Variants in DNAH1 observed in about 807,000 individuals in gnomAD.
DNAH1 encodes dynein axonemal heavy chain 1, also known as axonemal beta dynein heavy chain 1.
Under a neutral mutation model 484.3 loss-of-function variants are expected in DNAH1, and 327 were observed. The observed-to-expected ratio is 0.68, with a 90% CI of 0.62 to 0.74. The LOEUF (loss-of-function observed/expected upper bound fraction) is 0.74. DNAH1 is among the 30% of genes least tolerant of loss of function. The probability of loss-of-function intolerance (pLI) is 0.00; values close to 1 mark genes in which losing one functional copy is unlikely to be tolerated. For synonymous variants in DNAH1, 2,192 were observed against 2,191.9 expected (o/e 1.00, Z 0.00); for missense variants, 5,052 against 5,546.8 (o/e 0.91, Z 2.83).
chr3:52,357,733 C>T lies in DNAH1; in HGVS notation c.3978C>T (p.Pro1326=), dbSNP rs1207100996. The change falls in exon 23 of 78, where the codon CCC becomes CCT. Residue 1326 remains proline, a splice_region_variant and synonymous_variant. Coordinates refer to ENST00000420323, the MANE Select transcript of DNAH1 (RefSeq NM_015512.5). ...TGGAGACCAAGAGGAGCGCCTTCCC[C>T]AGGTGGGCGCCACCTGGCCATGCCC... The part of the protein sequence containing the change: ...EYLETKRSAF[P]RFYFLSDDEL... 1 of 1,576,290 alleles carries T rather than the reference C, an allele frequency of 6.3e-7. No homozygotes were observed. The highest frequency in any genetic ancestry group is 1.2e-5 in the South Asian group (1 of 86,506).
At chr3:52,392,364 T>C (rs971061282) in intron 63 of DNAH1, 100 bp from the exon 64 acceptor site, 2 of 1,097,056 alleles carry the variant, frequency 1.8e-6, no homozygotes, top group Admixed American at 4.3e-5. Context: ...TGCTGGGCTC[T>C]TGGAGCCCCA....
At position 52,331,173 on chromosome 3, in the gene DNAH1, G is replaced by A. The variant is rs1476328053; in HGVS notation, c.897G>A (p.Lys299=). 6.2e-7 allele frequency: 1 copy of A among 1,601,414 alleles called. No individual in the cohort carries two copies. Among genetic ancestry groups the A allele is most frequent in the South Asian group, 1.1e-5 (1 of 88,638 alleles). Residue 299 remains lysine (K), a synonymous_variant, in exon 7 of 78, where the codon AAG becomes AAA. Coordinates refer to ENST00000420323, the MANE Select transcript of DNAH1 (RefSeq NM_015512.5). ...GHEDPKSQKL[K]YKWCEVGVLD... ...AGGACCCCAAGAGTCAGAAGCTGAA[G>A]TACAAATGGTGCGAGGTCGGCGTCC... is the stretch of plus-strand genomic sequence containing the variant.
Position 52,388,409 on chromosome 3 carries a change from G to T in DNAH1, c.9172-9G>T. On this transcript the variant is annotated splice_polypyrimidine_tract_variant and intron_variant, in intron 57 of 77. Transcript: ENST00000420323. ...TTGGCGAGCTAATCCTGCGCCCTCCGCCCCACAGCAAGCCCTGCTGGAGGC... is the reference window on the plus strand; with the variant it reads ...TTGGCGAGCTAATCCTGCGCCCTCCTCCCCACAGCAAGCCCTGCTGGAGGC... The T allele has an allele frequency of 1.2e-6, 2 of 1,608,388 alleles. No homozygotes were observed. The highest frequency in any genetic ancestry group is 1.7e-6 in the Non-Finnish European group (2 of 1,177,220).
At chr3:52,391,083 C>T in intron 61 of DNAH1, 29 bp downstream of exon 61, 1 of 1,585,336 alleles carries the variant, frequency 6.3e-7, no homozygotes, top group Non-Finnish European at 8.6e-7. Flanking sequence ...CACCACCACC[C>T]CACCCCAGCC....
Position 52,358,717 on chromosome 3 carries a change from G to T in DNAH1, c.4246G>T (p.Ala1416Ser), listed in dbSNP as rs777354160. 6.2e-7 allele frequency: 1 copy of T among 1,612,598 alleles called. No individual in the cohort carries two copies. Among genetic ancestry groups the T allele is most frequent in the South Asian group, 1.1e-5 (1 of 91,052 alleles). Residue 1416 changes from alanine to serine, a missense_variant, in exon 25 of 78, where the codon GCC becomes TCC. This residue lies in a region of DNAH1 where 2,929 missense variants were observed against 3,409.4 expected (regional missense o/e 0.86). Transcript: ENST00000420323. This position sits in a 1 kb window ranked among gnomAD's most constrained non-coding sequence, Gnocchi z 4.2. ...CAGTGTGCACGACATCATTGAGAAG[G>T]CCATCAGGGCCTACCCCACGGTGAG... ...KASVHDIIEK[A>S]IRAYPTMPRT...
rs1247093361 is a variant in DNAH1 at position 52,378,690 on chromosome 3, C to G, written c.7287C>G (p.Pro2429=). Residue 2429 remains proline (P), a synonymous_variant, in exon 47 of 78, where the codon CCC becomes CCG. Transcript: ENST00000420323. ...VYATITSQLL[P]TPAKSHYTFN... Reference sequence around the variant, plus strand: ...CAACCATCACCTCCCAGCTGCTGCCCACTCCAGCCAAGTCCCACTACACCT... The same window carrying G: ...CAACCATCACCTCCCAGCTGCTGCCGACTCCAGCCAAGTCCCACTACACCT... The G allele has an allele frequency of 4.3e-6, 7 of 1,613,832 alleles. No homozygotes were observed. Among genetic ancestry groups the G allele is most frequent in the South Asian group, 1.1e-5 (1 of 91,078 alleles).
At position 52,399,688 on chromosome 3, in the gene DNAH1, G is replaced by A. The variant is rs1704818585; in HGVS notation, c.12585G>A (p.Met4195Ile). The change falls in exon 77 of 78, where the codon ATG (methionine) becomes ATA (isoleucine). Residue 4195 changes from methionine (M) to isoleucine (I), a missense_variant. Transcript: ENST00000420323. The part of the protein sequence containing the change: ...ESQPKELYTE[M>I]AVIWLLPTPN... ...AGCCCAAGGAGCTGTACACAGAGAT[G>A]GCCGTTATCTGGCTCTTGCCAACAC... 1.2e-6 allele frequency: 2 copies of A among 1,614,034 alleles called. No individual in the cohort carries two copies. Among genetic ancestry groups the A allele is most frequent in the East Asian group, 4.5e-5 (2 of 44,886 alleles).
In DNAH1 at chr3:52,396,938, T is replaced by C. The variant is rs1704660810; in HGVS notation, c.11681T>C (p.Ile3894Thr). The C allele has an allele frequency of 1.2e-6, 2 of 1,610,416 alleles. No homozygotes were observed. The highest frequency in any genetic ancestry group is 1.7e-6 in the Non-Finnish European group (2 of 1,178,338). ...ACTGATGACTGGGACCGGCGCTGCATCATGAACATCTTGGAGGACTTCTAC... is the reference window on the plus strand; with the variant it reads ...ACTGATGACTGGGACCGGCGCTGCACCATGAACATCTTGGAGGACTTCTAC... ...RVTDDWDRRCIMNILEDFYNP... is the reference protein window; with the variant it reads ...RVTDDWDRRCTMNILEDFYNP... The change falls in exon 73 of 78, where the codon ATC (isoleucine) becomes ACC (threonine). Residue 3894 changes from isoleucine (I) to threonine (T), a missense_variant. Around this residue, in one of 4 missense-constraint regions of DNAH1, gnomAD observed 853 missense variants for 899.0 expected, o/e 0.95. Transcript: ENST00000420323.
At chr3:52,389,653 C>T (rs1405310879) in intron 60 of DNAH1, 67 bp downstream of exon 60, 1 of 1,274,626 alleles carries the variant, frequency 7.8e-7, no homozygotes, top group Non-Finnish European at 1.0e-6. Flanking sequence ...GGCCAGGAGC[C>T]TTCTGCCTCC....
chr3:52,370,857 G>C (rs976912763), intron 41 of DNAH1, 32 bp downstream of exon 41: 2 of 1,560,694 alleles, frequency 1.3e-6, no homozygotes, highest in African/African-American at 2.7e-5. Context: ...AGACTGCACA[G>C]GGAGGGACCA....
intron 8 of DNAH1, among the ~76,000 whole-genome samples, chr3:52,339,855 G>C (rs1701870850): frequency 6.6e-6 from 1 of 151,820 alleles, no homozygotes; most frequent in Non-Finnish European, 1.5e-5. Flanking sequence ...GGAGAGGGAT[G>C]TGGGTCCTCC....
Position 52,363,096 on chromosome 3 carries a change from G to C in DNAH1, c.5196G>C (p.Lys1732Asn), listed in dbSNP as rs1322530772. The change falls in exon 32 of 78, where the codon AAG becomes AAC. Residue 1732 changes from lysine to asparagine, a missense_variant. Physicochemically the swap from Lys to Asn is moderately conservative, Grantham distance 94. Transcript: ENST00000420323. ...TTAATGAGGCCAGTGTGCTGGCTAA[G>C]AAGATCACAACCACCTTCAAGCTGT... ...FGFNEASVLA[K>N]KITTTFKLSS... The C allele has an allele frequency of 6.2e-7, 1 of 1,614,000 alleles. No individual in the cohort carries two copies. Among genetic ancestry groups the C allele is most frequent in the Admixed American group, 1.7e-5 (1 of 60,026 alleles).
In DNAH1 at chr3:52,355,515, G is replaced by T. The variant is rs971769317; in HGVS notation, c.3693+460G>T. Among the ~76,000 whole-genome samples, 24 of 152,250 alleles carry T rather than the reference G, an allele frequency of 1.6e-4. No individual in the cohort carries two copies. Among genetic ancestry groups the T allele is most frequent in the Admixed American group, 1.1e-3 (17 of 15,278 alleles). On this transcript the variant is annotated intron_variant, in intron 21 of 77. Transcript: ENST00000420323. The surrounding 1 kb of genome is among the most constrained non-coding windows in gnomAD (Gnocchi z 4.5). Reference sequence around the variant, plus strand: ...CTTGGTTGAGGGGACTGGGCCACCAGGGACTGCACTTGTCTTGGGCTCTCA... The same window carrying T: ...CTTGGTTGAGGGGACTGGGCCACCATGGACTGCACTTGTCTTGGGCTCTCA...
At chr3:52,390,654 T>C (rs1291777265) in intron 60 of DNAH1, among the ~76,000 whole-genome samples, 1 of 152,224 alleles carries the variant, frequency 6.6e-6, no homozygotes, top group African/African-American at 2.4e-5. Flanking sequence ...AGGGCCTTTC[T>C]GTCTGTGGGT....
rs1278373061 is a variant in DNAH1, at chr3:52,355,282, G to A, written c.3693+227G>A. Among the ~76,000 whole-genome samples the A allele has an allele frequency of 2.6e-5, 4 of 152,214 alleles. No homozygotes were observed. Among genetic ancestry groups the A allele is most frequent in the Non-Finnish European group, 5.9e-5 (4 of 68,032 alleles). On this transcript the variant is annotated intron_variant, in intron 21 of 77. Transcript: ENST00000420323. This position sits in a 1 kb window ranked among gnomAD's most constrained non-coding sequence, Gnocchi z 4.5. ...CAGCTACTGGATGAGGCAGATAAGG[G>A]TGCGTAGGGGCAGCATTTGGGTCCC...
chr3:52,395,167 G>A lies in DNAH1; in HGVS notation c.10968+108G>A. Reference sequence around the variant, plus strand: ...ACTACTTGGCCAGGCCAGGACCCCTGCTTGCTCCCTAAAGGCTCTGAGGTT... The same window carrying A: ...ACTACTTGGCCAGGCCAGGACCCCTACTTGCTCCCTAAAGGCTCTGAGGTT... On this transcript the variant is annotated intron_variant, in intron 68 of 77. Coordinates refer to ENST00000420323, the MANE Select transcript of DNAH1 (RefSeq NM_015512.5). The surrounding 1 kb of genome is among the most constrained non-coding windows in gnomAD (Gnocchi z 4.4). 6.7e-7 allele frequency: 1 copy of A among 1,500,776 alleles called. No individual in the cohort carries two copies. Among genetic ancestry groups the A allele is most frequent in the Admixed American group, 2.1e-5 (1 of 47,686 alleles). The allele number at this position is 1,500,776 out of a possible 1,614,324, so 93.0% of individuals were successfully genotyped here.
chr3:52,393,445 T>C lies in DNAH1; in HGVS notation c.10586T>C (p.Leu3529Pro), dbSNP rs1351300112. 6.2e-7 allele frequency: 1 copy of C among 1,614,050 alleles called. No individual in the cohort carries two copies. Among genetic ancestry groups the C allele is most frequent in the South Asian group, 1.1e-5 (1 of 91,084 alleles). Residue 3529 changes from leucine (L) to proline (P), a missense_variant, in exon 66 of 78, where the codon CTG (leucine) becomes CCG (proline). Coordinates refer to ENST00000420323, the MANE Select transcript of DNAH1 (RefSeq NM_015512.5). ...CACAAGCTGATGTTTGCCTTCCTGC[T>C]GTGTGTTCGCATCATGATGAACGAG... ...EKHKLMFAFL[L>P]CVRIMMNEGK...
At chr3:52,391,834 G>C (rs903038506) in intron 63 of DNAH1, among the ~76,000 whole-genome samples, 1 of 152,048 alleles carries the variant, frequency 6.6e-6, no homozygotes, top group Non-Finnish European at 1.5e-5. Context: ...CAGATCCCTG[G>C]TCAGGGTCCC....
At chr3:52,383,708 C>T (rs1017039265) in intron 51 of DNAH1, 114 bp downstream of exon 51, 1 of 1,407,674 alleles carries the variant, frequency 7.1e-7, no homozygotes, top group Non-Finnish European at 9.5e-7. Flanking sequence ...GAGACGCGGC[C>T]CTGGGCCTGG....
Sources: allele counts gnomAD v4.1 joint callset (sites outside exome capture counted in the v4.1 genomes callset), GRCh38; gene constraint gnomAD v4.1.1; regional missense constraint gnomAD v4.1.1; non-coding constraint Gnocchi (gnomAD v3.1); transcripts MANE v1.5; gene names NCBI Gene and HGNC (gene_info 2026-07-23, HGNC 2026-07-21).